The following MSRA variants were observed in gnomAD, a reference collection of about 807,000 sequenced individuals.
MSRA encodes the protein methionine sulfoxide reductase A.
A neutral mutation model predicts 31.3 loss-of-function variants in MSRA; 54 were observed. The ratio of observed to expected loss-of-function variants is 1.73; its 90% CI spans 1.39 to 2.17. The LOEUF is 2.17. MSRA is among the 30% of genes most tolerant of loss of function. MSRA has a pLI of 0.00. For synonymous variants in MSRA, 169 were observed against 116.5 expected, an observed-to-expected ratio of 1.45 and a Z score of -2.90; for missense variants, 507 against 300.9, an observed-to-expected ratio of 1.69 and a Z score of -5.07.
chr8:10,188,214 A>G (rs1236895156), intron 1 of MSRA, among the ~76,000 whole-genome samples: 2 of 152,226 alleles, frequency 1.3e-5, no homozygotes, highest in Non-Finnish European at 2.9e-5. Context: ...TAATACTTTT[A>G]AATACAGATC....
At chr8:10,418,731 G>A (rs1199012285) in intron 5 of MSRA, among the ~76,000 whole-genome samples, 1 of 136,826 alleles carries the variant, frequency 7.3e-6, no homozygotes, top group Non-Finnish European at 1.5e-5. Context: ...TAGTGATAGT[G>A]GTACAACAAA....
chr8:10,241,458 C>A (rs373914881), intron 2 of MSRA, among the ~76,000 whole-genome samples: 1 of 152,144 alleles, frequency 6.6e-6, no homozygotes. Flanking sequence ...AAAAACTCTT[C>A]GATTAGCCTG....
intron 1 of MSRA, among the ~76,000 whole-genome samples, chr8:10,194,814 A>AT (rs1258915064): frequency 2.0e-5 from 3 of 152,266 alleles, no homozygotes; most frequent in African/African-American, 7.2e-5. Context: ...CCACTCCTAC[A>AT]TCCCAGCCTG....
chr8:10,207,921 A>G lies in MSRA; in HGVS notation c.211+20A>G. The G allele has an allele frequency of 6.2e-7, 1 of 1,601,866 alleles. No homozygotes were observed. Among genetic ancestry groups the G allele is most frequent in the Admixed American group, 1.7e-5 (1 of 59,324 alleles). ...TATTTGGTAAGATATCAATTCTGAA[A>G]GAAAACCCAAATTGTGTGCAAAGAC... On this transcript the variant is annotated intron_variant, in intron 2 of 5. Transcript: ENST00000317173.
intron 5 of MSRA, among the ~76,000 whole-genome samples, chr8:10,402,854 C>T (rs1185507486): frequency 1.3e-5 from 2 of 152,112 alleles, no homozygotes; most frequent in African/African-American, 2.4e-5. Flanking sequence ...TTGTATTTTC[C>T]CTGTACTGAA....
intron 4 of MSRA, among the ~76,000 whole-genome samples, chr8:10,312,958 C>T (rs918151458): frequency 1.3e-5 from 2 of 152,218 alleles, no homozygotes; most frequent in Non-Finnish European, 2.9e-5. Context: ...TGAGAAACTA[C>T]AGAGAATGCC....
chr8:10,372,844 G>T (rs761411986), intron 5 of MSRA, among the ~76,000 whole-genome samples: 1 of 152,224 alleles, frequency 6.6e-6, no homozygotes, highest in Non-Finnish European at 1.5e-5. Flanking sequence ...AGGATTTCCT[G>T]TATAGGCTTA....
intron 5 of MSRA, among the ~76,000 whole-genome samples, chr8:10,413,626 C>A (rs1585723931): frequency 1.6e-5 from 2 of 122,028 alleles, no homozygotes; most frequent in African/African-American, 3.1e-5. Flanking sequence ...AGTAATGCCT[C>A]AACAAATAAA....
At chr8:10,061,597 A>G (rs984327152) in intron 1 of MSRA, among the ~76,000 whole-genome samples, 1 of 152,022 alleles carries the variant, frequency 6.6e-6, no homozygotes, top group Non-Finnish European at 1.5e-5. Flanking sequence ...CCCACCAAGA[A>G]CTCACAGCAC....
chr8:10,164,508 C>T (rs1804948662), intron 1 of MSRA, among the ~76,000 whole-genome samples: 2 of 152,090 alleles, frequency 1.3e-5, no homozygotes, highest in African/African-American at 4.8e-5. Context: ...CTCTAGGACT[C>T]CTGAATAGGC....
At chr8:10,084,481 C>T (rs1798453046) in intron 1 of MSRA, among the ~76,000 whole-genome samples, 1 of 152,214 alleles carries the variant, frequency 6.6e-6, no homozygotes, top group Non-Finnish European at 1.5e-5. Flanking sequence ...AATATTATTT[C>T]ATGTGGGGAT....
chr8:10,319,327 C>T (rs1442564998), intron 4 of MSRA, among the ~76,000 whole-genome samples: 1 of 152,160 alleles, frequency 6.6e-6, no homozygotes, highest in East Asian at 1.9e-4. Context: ...ATCATCCACC[C>T]TTCAGCTGCT....
At chr8:10,180,664 G>T (rs369356113) in intron 1 of MSRA, among the ~76,000 whole-genome samples, 1 of 152,188 alleles carries the variant, frequency 6.6e-6, no homozygotes, top group African/African-American at 2.4e-5. Context: ...TTTTAGGAGC[G>T]CTGTACCAGG....
intron 1 of MSRA, among the ~76,000 whole-genome samples, chr8:10,058,000 T>C (rs1401584600): frequency 6.6e-6 from 1 of 152,218 alleles, no homozygotes; most frequent in Non-Finnish European, 1.5e-5. Flanking sequence ...TACCTTTTTA[T>C]AGAGTATCAG....
intron 5 of MSRA, among the ~76,000 whole-genome samples, chr8:10,427,649 G>A (rs751630678): frequency 3.9e-5 from 6 of 152,170 alleles, no homozygotes; most frequent in African/African-American, 7.2e-5. Flanking sequence ...GAGCTGGTGG[G>A]CAGATGCGAT....
chr8:10,215,499 C>T (rs1482647527), intron 2 of MSRA, among the ~76,000 whole-genome samples: 2 of 152,156 alleles, frequency 1.3e-5, no homozygotes, highest in African/African-American at 2.4e-5. Flanking sequence ...ATCAAGTCCC[C>T]GGGAGAGTGA....
rs79809697 is a variant in MSRA at position 10,075,698 on chromosome 8, A to G, written c.142+21040A>G. On this transcript the variant is annotated intron_variant, in intron 1 of 5. Coordinates refer to ENST00000317173, the MANE Select transcript of MSRA (RefSeq NM_012331.5). ...CATCAAGAGATGATTTTACGATATA[A>G]CAAGTTCCACAAAGAACTCTCGTAA... Among the ~76,000 whole-genome samples, 331 of 152,366 alleles carry G rather than the reference A, an allele frequency of 2.2e-3. 10 individuals carry two copies. The East Asian group carries it at 0.058, about 27-fold the overall frequency.
At position 10,313,516 on chromosome 8, in the gene MSRA, G is replaced by A. The variant is rs968798566; in HGVS notation, c.437-6367G>A. 1.8e-4 allele frequency among the ~76,000 whole-genome samples: 27 copies of A among 151,904 alleles called. 1 individual carries two copies. The highest frequency in any genetic ancestry group is 5.9e-5 in the Non-Finnish European group (4 of 67,982). ...ACAAACAAAAAAAAACATGGCATTG[G>A]CTTAGTAGTTAGGCAGCTGGAAGAT... On this transcript the variant is annotated intron_variant, in intron 4 of 5. Transcript: ENST00000317173.
Position 10,341,604 on chromosome 8 carries a change from G to T in MSRA, c.543+21615G>T, listed in dbSNP as rs191720070. 1.6e-4 allele frequency among the ~76,000 whole-genome samples: 25 copies of T among 152,306 alleles called. No homozygotes were observed. The East Asian group carries it at 3.9e-3, about 23-fold the overall frequency. ...CAGCGCTGGGCTTGGACATCTCAAG[G>T]TAGTGGATTAGTACTTAGTCTTGGG... On this transcript the variant is annotated intron_variant, in intron 5 of 5. Transcript: ENST00000317173.
Sources: gnomAD v4.1 joint callset for allele counts (sites outside exome capture counted in the v4.1 genomes callset) on GRCh38, gnomAD v4.1.1 for gene constraint, MANE v1.5 for transcripts, NCBI Gene and HGNC (gene_info 2026-07-23, HGNC 2026-07-21) for gene names.